The following ICA1L variants were observed in gnomAD, a reference collection of about 807,000 sequenced individuals.
ICA1L encodes the protein islet cell autoantigen 1 like, also known as islet cell autoantigen 1-like protein.
In ICA1L, 50 loss-of-function variants were observed where a neutral mutation model predicts 61.3. That is an observed-to-expected ratio of 0.82 (90% CI 0.65 to 1.03). The LOEUF is 1.03. Among genes scored for constraint, ICA1L ranks in the 50% least tolerant of loss-of-function variants. The pLI is 0.00. For missense variants in ICA1L, 508 were observed against 556.7 expected, an observed-to-expected ratio of 0.91 and a Z score of 0.88; for synonymous variants, 161 against 191.3, an observed-to-expected ratio of 0.84 and a Z score of 1.31.
At chr2:202,787,385 G>A (rs1386926016) in intron 11 of ICA1L, among the ~76,000 whole-genome samples, 1 of 152,216 alleles carries the variant, frequency 6.6e-6, no homozygotes, top group East Asian at 1.9e-4. Flanking sequence ...GTTGATAGTG[G>A]AGAATGAAAT....
chr2:202,836,675 T>C (rs1395546478), intron 1 of ICA1L, among the ~76,000 whole-genome samples: 1 of 151,996 alleles, frequency 6.6e-6, no homozygotes, highest in Admixed American at 6.6e-5. Flanking sequence ...TCAATCTCCT[T>C]ACTCATTATT....
rs914379162 is a variant in ICA1L at position 202,776,066 on chromosome 2, C to G, written c.*3467G>C. On this transcript the variant is annotated 3_prime_UTR_variant, in exon 13 of 13. Transcript: ENST00000358299. ...TCGTTCTAATGCTGTAAGACCTCTACATTTCTAGATGGTCTATACAGATAC... is the reference window on the plus strand; with the variant it reads ...TCGTTCTAATGCTGTAAGACCTCTAGATTTCTAGATGGTCTATACAGATAC... 1 of 152,322 alleles carries G rather than the reference C, an allele frequency of 6.6e-6. No individual in the cohort carries two copies. The highest frequency in any genetic ancestry group is 1.9e-4 in the East Asian group (1 of 5,192). 9.4% of individuals were successfully genotyped at this position (152,322 alleles called of 1,614,324 possible).
intron 1 of ICA1L, among the ~76,000 whole-genome samples, chr2:202,829,773 A>G (rs1401419505): frequency 6.6e-6 from 1 of 152,236 alleles, no homozygotes; most frequent in Non-Finnish European, 1.5e-5. Flanking sequence ...AGTTATGTCT[A>G]GAAAAAATTA....
intron 10 of ICA1L, among the ~76,000 whole-genome samples, chr2:202,796,086 A>G (rs1256541875): frequency 1.3e-5 from 2 of 152,026 alleles, no homozygotes; most frequent in African/African-American, 4.8e-5. Context: ...GGAAAAAAAA[A>G]AGGTAACGTT....
intron 3 of ICA1L, among the ~76,000 whole-genome samples, chr2:202,823,326 A>G (rs1693748950): frequency 2.0e-5 from 3 of 152,302 alleles, no homozygotes; most frequent in South Asian, 2.1e-4. Context: ...TATTAATACA[A>G]TCGTCTTCAA....
At position 202,814,770 on chromosome 2, in the gene ICA1L, C is replaced by A. The variant is rs753285763; in HGVS notation, c.798G>T (p.Thr266=). ...DFVALKQLQD[T]PSKISEDNKD... ...TATTGTCTTCACTAATCTTGCTTGG[C>A]GTGTCTTGTAGTTGCTAAAGATAAG... Residue 266 remains threonine, a synonymous_variant, in exon 8 of 13, where the codon ACG becomes ACT. Transcript: ENST00000358299. The A allele has an allele frequency of 4.3e-6, 7 of 1,612,934 alleles. No individual in the cohort carries two copies. In the Admixed American group the frequency reaches 6.7e-5, roughly 15 times the overall value.
At chr2:202,825,651 T>G in intron 3 of ICA1L, 44 bp downstream of exon 3, 1 of 1,384,156 alleles carries the variant, frequency 7.2e-7, no homozygotes, top group Non-Finnish European at 9.9e-7. Context: ...TGCTAATATT[T>G]ATTTTAAATG....
intron 9 of ICA1L, among the ~76,000 whole-genome samples, chr2:202,799,502 T>C (rs1313474207): frequency 6.6e-6 from 1 of 152,234 alleles, no homozygotes; most frequent in Non-Finnish European, 1.5e-5. Context: ...GTTCCTCGTA[T>C]ATTCTGGATA....
At chr2:202,797,587 T>C (rs1258457481) in intron 9 of ICA1L, among the ~76,000 whole-genome samples, 4 of 152,236 alleles carry the variant, frequency 2.6e-5, no homozygotes. Context: ...AGTGGCACAA[T>C]CTCAGCTCAC....
chr2:202,774,090 GA>G lies in ICA1L; in HGVS notation c.*5442del. 3 of 1,078,778 alleles carry G rather than the reference GA, an allele frequency of 2.8e-6. No individual in the cohort carries two copies. Among genetic ancestry groups the G allele is most frequent in the South Asian group, 1.4e-5 (1 of 72,714 alleles). The allele number at this position is 1,078,778 out of a possible 1,614,324, so 66.8% of individuals were successfully genotyped here. ...TAGCTGCCTAATATGATAATATTAG[GA>G]ATCCCATCAATGATTGGATAAGCTA... On this transcript the variant is annotated 3_prime_UTR_variant, in exon 13 of 13. Coordinates refer to ENST00000358299, the MANE Select transcript of ICA1L (RefSeq NM_001288622.3).
intron 1 of ICA1L, among the ~76,000 whole-genome samples, chr2:202,842,596 T>C (rs1054820139): frequency 2.0e-5 from 3 of 152,232 alleles, no homozygotes; most frequent in African/African-American, 7.2e-5. Context: ...TCATCTTTGA[T>C]TTTTGACAGT....
chr2:202,822,108 A>C (rs1031022006), intron 3 of ICA1L, among the ~76,000 whole-genome samples: 1 of 152,240 alleles, frequency 6.6e-6, no homozygotes, highest in African/African-American at 2.4e-5. Flanking sequence ...ATATTTGTCA[A>C]ATCTAATAAA....
chr2:202,811,940 A>C, intron 8 of ICA1L, 151 bp from the exon 9 acceptor site: 1 of 670,140 alleles, frequency 1.5e-6, no homozygotes, highest in East Asian at 2.5e-5. Flanking sequence ...ATATCTGGTG[A>C]ATTTCCTACT....
At chr2:202,790,678 C>T (rs1692720247) in intron 10 of ICA1L, among the ~76,000 whole-genome samples, 1 of 152,148 alleles carries the variant, frequency 6.6e-6, no homozygotes, top group Admixed American at 6.6e-5. Context: ...TCCCCAGATC[C>T]CTCATGGGTT....
At chr2:202,850,133 C>A (rs1694579039) in intron 1 of ICA1L, among the ~76,000 whole-genome samples, 1 of 152,090 alleles carries the variant, frequency 6.6e-6, no homozygotes, top group African/African-American at 2.4e-5. Flanking sequence ...AAAACCCCAT[C>A]CAAAGGTCAT....
intron 1 of ICA1L, among the ~76,000 whole-genome samples, chr2:202,848,476 G>C (rs1286558100): frequency 1.3e-5 from 2 of 152,178 alleles, no homozygotes. Context: ...TCAGAGATCT[G>C]AGCTGACTGG....
intron 9 of ICA1L, among the ~76,000 whole-genome samples, chr2:202,807,846 C>T (rs1693266704): frequency 6.6e-6 from 1 of 152,106 alleles, no homozygotes; most frequent in Non-Finnish European, 1.5e-5. Context: ...GCTCCCAGAT[C>T]ACATTTTTAG....
intron 9 of ICA1L, among the ~76,000 whole-genome samples, chr2:202,802,333 G>A (rs535373598): frequency 6.6e-6 from 1 of 151,952 alleles, no homozygotes; most frequent in Non-Finnish European, 1.5e-5. Flanking sequence ...TAATGAAAAG[G>A]TTCACCATAA....
At chr2:202,796,990 A>G (rs749847271) in intron 9 of ICA1L, 26 bp from the exon 10 acceptor site, 2 of 1,496,248 alleles carry the variant, frequency 1.3e-6, no homozygotes, top group Non-Finnish European at 1.8e-6. Flanking sequence ...ATAAAAGAGA[A>G]GTTGAACAAG....
Sources: allele counts gnomAD v4.1 joint callset (sites outside exome capture counted in the v4.1 genomes callset), GRCh38; gene constraint gnomAD v4.1.1; transcripts MANE v1.5; gene names NCBI Gene and HGNC (gene_info 2026-07-23, HGNC 2026-07-21).